The following FRS2 variants were observed in gnomAD, a reference collection of about 807,000 sequenced individuals.
The protein encoded by FRS2 is fibroblast growth factor receptor substrate 2.
Under a neutral mutation model 43.9 loss-of-function variants are expected in FRS2, and 8 were observed. That is an observed-to-expected ratio of 0.18 (90% CI 0.11 to 0.33). The LOEUF is 0.33. Among genes scored for constraint, FRS2 ranks in the 10% least tolerant of loss-of-function variants. The pLI is 1.00. For missense variants in FRS2, 534 were observed against 627.6 expected (o/e 0.85, Z 1.59); for synonymous variants, 219 against 220.3 (o/e 0.99, Z 0.05).
In FRS2 at chr12:69,470,402, G is replaced by A. The variant is rs529344455; in HGVS notation, c.-389G>A. On this transcript the variant is annotated 5_prime_UTR_variant, in exon 1 of 9. Coordinates refer to ENST00000549921, the MANE Select transcript of FRS2 (RefSeq NM_001278356.2). ...AAGTGCTTTTCCAAGATTCGGGCCG[G>A]AGAGAGGCCTTGTAGGCACAGCGGC... 4.2e-4 allele frequency: 168 copies of A among 398,744 alleles called. No homozygotes were observed. Among genetic ancestry groups the A allele is most frequent in the African/African-American group, 2.9e-3 (142 of 48,740 alleles). 24.7% of individuals were successfully genotyped at this position (398,744 alleles called of 1,614,324 possible). A position where few individuals can be genotyped will look rare whatever the true frequency, so the allele number is the denominator to read the frequency against.
At chr12:69,556,014 G>T (rs959440693) in intron 3 of FRS2, among the ~76,000 whole-genome samples, 2 of 151,260 alleles carry the variant, frequency 1.3e-5, no homozygotes, top group African/African-American at 2.4e-5. Context: ...GTGGCGGGGG[G>T]GGGGGCGGTG....
intron 1 of FRS2, among the ~76,000 whole-genome samples, chr12:69,503,995 GGAAT>G (rs1475478315): frequency 1.3e-5 from 2 of 152,096 alleles, no homozygotes; most frequent in Admixed American, 1.3e-4. Flanking sequence ...GTTGAGGTCA[GGAAT>G]TTGAGACCAG....
At chr12:69,491,884 A>G (rs1872528526) in intron 1 of FRS2, among the ~76,000 whole-genome samples, 1 of 152,134 alleles carries the variant, frequency 6.6e-6, no homozygotes. Context: ...TAGAAGTAGA[A>G]TTTCTGTGTC....
chr12:69,554,654 A>G (rs983425991), intron 3 of FRS2, among the ~76,000 whole-genome samples: 1 of 152,134 alleles, frequency 6.6e-6, no homozygotes, highest in African/African-American at 2.4e-5. Flanking sequence ...CTGTTTTTCT[A>G]ATGTTCTTTT....
rs142452373 is a variant in FRS2, at chr12:69,552,907, A to G, written c.-121-9273A>G. Among the ~76,000 whole-genome samples, 941 of 151,836 alleles carry G rather than the reference A, an allele frequency of 6.2e-3. 9 individuals are homozygous for G. The highest frequency in any genetic ancestry group is 0.021 in the African/African-American group (885 of 41,450). ...ACTCCATCTCAAAAAAAAAAAAAGTAAACTAAAAAGGAATGCATATAAATG... is the reference window on the plus strand; with the variant it reads ...ACTCCATCTCAAAAAAAAAAAAAGTGAACTAAAAAGGAATGCATATAAATG... On this transcript the variant is annotated intron_variant, in intron 3 of 8. Transcript: ENST00000549921.
At chr12:69,563,656 T>C (rs1205881235) in intron 4 of FRS2, among the ~76,000 whole-genome samples, 1 of 152,200 alleles carries the variant, frequency 6.6e-6, no homozygotes, top group African/African-American at 2.4e-5. Flanking sequence ...TGAGTTCTCA[T>C]CTCAGCCTAC....
chr12:69,551,076 T>C (rs1328407415), intron 3 of FRS2, among the ~76,000 whole-genome samples: 1 of 152,082 alleles, frequency 6.6e-6, no homozygotes, highest in African/African-American at 2.4e-5. Context: ...AAGAAAGAAA[T>C]ATTCTCAAAG....
In FRS2 at chr12:69,575,113, A is replaced by G; in HGVS notation, c.*158A>G. ...ATCTTTAACTAAAGGGAATTAATGTAGAGCAGGTACTCCTTAAAGAACACT... is the reference window on the plus strand; with the variant it reads ...ATCTTTAACTAAAGGGAATTAATGTGGAGCAGGTACTCCTTAAAGAACACT... On this transcript the variant is annotated 3_prime_UTR_variant, in exon 9 of 9. Transcript: ENST00000549921. The G allele has an allele frequency of 1.7e-6, 1 of 594,922 alleles. No homozygotes were observed. Among genetic ancestry groups the G allele is most frequent in the South Asian group, 2.2e-5 (1 of 45,574 alleles). 36.9% of individuals were successfully genotyped at this position (594,922 alleles called of 1,614,324 possible).
intron 1 of FRS2, among the ~76,000 whole-genome samples, chr12:69,483,379 T>G (rs763105463): frequency 9.2e-5 from 14 of 152,138 alleles, no homozygotes; most frequent in Non-Finnish European, 1.5e-4. Context: ...CAACCACTAG[T>G]TTTGTCATTT....
chr12:69,488,300 C>G (rs1211992680), intron 1 of FRS2, among the ~76,000 whole-genome samples: 1 of 152,112 alleles, frequency 6.6e-6, no homozygotes, highest in African/African-American at 2.4e-5. Flanking sequence ...CGCAGCCACC[C>G]CACCCTTTAG....
chr12:69,539,654 G>C (rs755633489), intron 3 of FRS2, among the ~76,000 whole-genome samples: 17 of 151,996 alleles, frequency 1.1e-4, no homozygotes, highest in Admixed American at 1.3e-4. Context: ...AAAGGACCAG[G>C]GTTCCTTGGA....
intron 1 of FRS2, among the ~76,000 whole-genome samples, chr12:69,524,009 C>T (rs1253010774): frequency 6.6e-6 from 1 of 152,192 alleles, no homozygotes; most frequent in African/African-American, 2.4e-5. Context: ...TGGCAAGGTG[C>T]TAGCCAGCGC....
At chr12:69,470,644 C>G in intron 1 of FRS2, 114 bp downstream of exon 1, 1 of 153,836 alleles carries the variant, frequency 6.5e-6, no homozygotes, top group South Asian at 2.3e-4. Flanking sequence ...TGCCGGCGTC[C>G]GGGGAAGGGG....
At chr12:69,490,801 C>T (rs1179882752) in intron 1 of FRS2, among the ~76,000 whole-genome samples, 1 of 152,142 alleles carries the variant, frequency 6.6e-6, no homozygotes, top group Admixed American at 6.5e-5. Flanking sequence ...AGTCCTCTAC[C>T]TATGGTTATT....
At chr12:69,566,182 G>T (rs532682212) in intron 4 of FRS2, among the ~76,000 whole-genome samples, 5 of 151,974 alleles carry the variant, frequency 3.3e-5, no homozygotes, top group Admixed American at 6.6e-5. Context: ...AGCACGAGAG[G>T]TTCTACCTTA....
intron 1 of FRS2, among the ~76,000 whole-genome samples, chr12:69,485,134 C>CACACAA: frequency 7.4e-6 from 1 of 134,352 alleles, no homozygotes; most frequent in African/African-American, 2.9e-5. Flanking sequence ...CACACACACA[C>CACACAA]ACTCTCACCC....
At chr12:69,504,668 TTAATG>T (rs1248759515) in intron 1 of FRS2, among the ~76,000 whole-genome samples, 2 of 152,222 alleles carry the variant, frequency 1.3e-5, no homozygotes, top group Non-Finnish European at 2.9e-5. Flanking sequence ...TTCTTTTTAT[TTAATG>T]TATGCTTTAA....
intron 1 of FRS2, among the ~76,000 whole-genome samples, chr12:69,503,628 G>A (rs1267767515): frequency 6.6e-6 from 1 of 152,100 alleles, no homozygotes; most frequent in African/African-American, 2.4e-5. Context: ...GCTTCTACGT[G>A]GTGGTAATGG....
rs117968769 is a variant in FRS2 at position 69,505,768 on chromosome 12, G to A, written c.-260-25097G>A. On this transcript the variant is annotated intron_variant, in intron 1 of 8. Transcript: ENST00000549921. ...GAGGAAAAGTCTACATTGAGTTTGC[G>A]TGGAAAAATGTCATAAAAGCTCTTT... Among the ~76,000 whole-genome samples the A allele has an allele frequency of 5.4e-3, 828 of 152,288 alleles. 7 individuals carry two copies. The highest frequency in any genetic ancestry group is 0.014 in the Middle Eastern group (4 of 292).
Sources: allele counts gnomAD v4.1 joint callset (sites outside exome capture counted in the v4.1 genomes callset), GRCh38; gene constraint gnomAD v4.1.1; transcripts MANE v1.5; gene names NCBI Gene and HGNC (gene_info 2026-07-23, HGNC 2026-07-21).